Variants in NFIC observed in about 807,000 individuals in gnomAD.
NFIC encodes nuclear factor I C.
A neutral mutation model predicts 54.4 loss-of-function variants in NFIC; 12 were observed. The observed-to-expected ratio is 0.22, with a 90% CI of 0.14 to 0.36. The LOEUF is 0.36. Ranked by LOEUF, NFIC falls within the 10% of genes least tolerant of loss-of-function variation. The pLI, the probability that NFIC is intolerant of heterozygous loss-of-function variation, is 1.00. For missense variants in NFIC, 575 were observed against 718.2 expected (o/e 0.80, Z 2.28); for synonymous variants, 322 against 319.2 (o/e 1.01, Z -0.09).
In NFIC at chr19:3,464,129, G is replaced by C. The variant is rs1038018667; in HGVS notation, c.*1360G>C. On this transcript the variant is annotated 3_prime_UTR_variant, in exon 11 of 11. Transcript: ENST00000443272. ...ACATTCTGGAGCGACCCCCCTCCCT[G>C]GTGCCTCCCAGCGAAGGGGGACCGC... 28 of 985,130 alleles carry C rather than the reference G, an allele frequency of 2.8e-5. No individual in the cohort carries two copies. Among genetic ancestry groups the C allele is most frequent in the Non-Finnish European group, 3.3e-5 (27 of 829,878 alleles). The allele number at this position is 985,130 out of a possible 1,614,324, so 61.0% of individuals were successfully genotyped here. A position where few individuals can be genotyped will look rare whatever the true frequency, so the allele number is the denominator to read the frequency against.
rs1036394983 is a variant in NFIC, at chr19:3,369,666, A to G, written c.30+3000A>G. Among the ~76,000 whole-genome samples the G allele has an allele frequency of 2.0e-5, 3 of 150,996 alleles. No homozygotes were observed. The highest frequency in any genetic ancestry group is 3.0e-5 in the Non-Finnish European group (2 of 67,702). On this transcript the variant is annotated intron_variant, in intron 1 of 10. Transcript: ENST00000443272. This position sits in a 1 kb window ranked among gnomAD's most constrained non-coding sequence, Gnocchi z 4.3. ...GCGCTTTTTCACTTTTACTCTTAAG[A>G]GGAACTGTGTGGAGCCCATGGCTCC...
chr19:3,417,927 C>T (rs1002187005), intron 2 of NFIC, among the ~76,000 whole-genome samples: 7 of 7,274 alleles, frequency 9.6e-4, no homozygotes, highest in African/African-American at 4.4e-3. Flanking sequence ...CGTGATCCAC[C>T]GTGCCCGGCC....
chr19:3,366,565 G>GGGGGGGGCGGGGGGGTT, upstream of NFIC: 1 of 935,724 alleles, frequency 1.1e-6, no homozygotes, highest in Non-Finnish European at 1.6e-6. Flanking sequence ...GCGGGGGGGT[G>GGGGGGGGCGGGGGGGTT]GTTTGGAAAA....
At position 3,433,538 on chromosome 19, in the gene NFIC, AGCTTTGTCACCTCCG is replaced by A. The variant is rs1406179140; in HGVS notation, c.658_672del (p.Phe220_Gly224del). ...TCCAGACACGACCGACTTCCAGGAG[AGCTTTGTCACCTCCG>A]GCGTGTTCAGCGTCACTGAGCTCAT... On this transcript the variant is annotated inframe_deletion, in exon 4 of 11. Transcript: ENST00000443272. The A allele has an allele frequency of 3.1e-6, 5 of 1,613,698 alleles. No homozygotes were observed. In the African/African-American group the frequency reaches 6.7e-5, roughly 22 times the overall value.
At chr19:3,451,210 A>G (rs770333300) in intron 7 of NFIC, among the ~76,000 whole-genome samples, 100 of 152,324 alleles carry the variant, frequency 6.6e-4, no homozygotes, top group Non-Finnish European at 1.4e-3. Context: ...AAGGCCACAC[A>G]GCATGTGATC....
chr19:3,392,501 T>A (rs1433997206), intron 2 of NFIC, among the ~76,000 whole-genome samples: 5 of 152,264 alleles, frequency 3.3e-5, no homozygotes, highest in African/African-American at 1.2e-4. Context: ...TGCTGGTTTC[T>A]GCATGAATGC....
chr19:3,393,771 C>T lies in NFIC; in HGVS notation c.562+11528C>T, dbSNP rs146123120. Among the ~76,000 whole-genome samples, 592 of 134,094 alleles carry T rather than the reference C, an allele frequency of 4.4e-3. 4 individuals carry two copies. The highest frequency in any genetic ancestry group is 0.016 in the African/African-American group (557 of 35,462). 88.0% of individuals were successfully genotyped at this position (134,094 alleles called of 152,430 possible). ...GGCAGAGGCTACAGTGAGCTGGGAT[C>T]GTGCCACTGCACTCCAGCCTGGGCA... On this transcript the variant is annotated intron_variant, in intron 2 of 10. Coordinates refer to ENST00000443272, the MANE Select transcript of NFIC (RefSeq NM_001245002.2).
chr19:3,464,213 G>T lies in NFIC; in HGVS notation c.*1444G>T. ...GCCCAGCTGCGGGACGTGCATCACGGCTGGGCCCCCAGAGGAGAGAGGAGG... is the reference window on the plus strand; with the variant it reads ...GCCCAGCTGCGGGACGTGCATCACGTCTGGGCCCCCAGAGGAGAGAGGAGG... On this transcript the variant is annotated 3_prime_UTR_variant, in exon 11 of 11. Coordinates refer to ENST00000443272, the MANE Select transcript of NFIC (RefSeq NM_001245002.2). 5.1e-6 allele frequency: 5 copies of T among 984,842 alleles called. 1 individual carries two copies. In the South Asian group the frequency reaches 2.3e-4, roughly 46 times the overall value. The allele number at this position is 984,842 out of a possible 1,614,324, so 61.0% of individuals were successfully genotyped here. A position where few individuals can be genotyped will look rare whatever the true frequency, so the allele number is the denominator to read the frequency against.
intron 2 of NFIC, among the ~76,000 whole-genome samples, chr19:3,397,294 C>G (rs2081479986): frequency 6.6e-6 from 1 of 152,320 alleles, no homozygotes; most frequent in Non-Finnish European, 1.5e-5. Flanking sequence ...TCCCAGGACC[C>G]ACAGTGGGCA....
chr19:3,366,712 C>A lies in NFIC; in HGVS notation c.30+46C>A, dbSNP rs949567460. 3.8e-6 allele frequency: 5 copies of A among 1,301,406 alleles called. No individual in the cohort carries two copies. In the African/African-American group the frequency reaches 4.6e-5, roughly 12 times the overall value. 80.6% of individuals were successfully genotyped at this position (1,301,406 alleles called of 1,614,324 possible). On this transcript the variant is annotated intron_variant, in intron 1 of 10. Transcript: ENST00000443272. Reference sequence around the variant, plus strand: ...CCCGCCGGCGCCCCCGCGCCCCCCGCATCCCAGCCCCGGAGTTTTGAAGCA... The same window carrying A: ...CCCGCCGGCGCCCCCGCGCCCCCCGAATCCCAGCCCCGGAGTTTTGAAGCA...
intron 3 of NFIC, among the ~76,000 whole-genome samples, chr19:3,430,073 C>T (rs745996579): frequency 1.3e-5 from 2 of 152,082 alleles, no homozygotes; most frequent in Admixed American, 6.6e-5. Context: ...CTAGCTAGTT[C>T]CCCACCAGCC....
chr19:3,424,510 G>A (rs2081998577), intron 2 of NFIC, among the ~76,000 whole-genome samples: 1 of 152,068 alleles, frequency 6.6e-6, no homozygotes, highest in Non-Finnish European at 1.5e-5. Flanking sequence ...CCAAGTAGCT[G>A]GGATTACAGG....
At chr19:3,434,551 AC>A in intron 5 of NFIC, 151 bp downstream of exon 5, 2 of 1,233,936 alleles carry the variant, frequency 1.6e-6, no homozygotes, top group Non-Finnish European at 2.2e-6. Context: ...ATCCTTCAAA[AC>A]CCAGCCAGCC....
chr19:3,423,098 T>C (rs1338526993), intron 2 of NFIC, among the ~76,000 whole-genome samples: 2 of 152,010 alleles, frequency 1.3e-5, no homozygotes, highest in East Asian at 3.9e-4. Flanking sequence ...CTCTGGAGGC[T>C]GAAGCGGGAG....
rs1309498957 is a variant in NFIC, at chr19:3,452,158, C to T, written c.1085-324C>T. Among the ~76,000 whole-genome samples the T allele has an allele frequency of 6.6e-6, 1 of 151,202 alleles. No individual in the cohort carries two copies. Among genetic ancestry groups the T allele is most frequent in the African/African-American group, 2.4e-5 (1 of 41,038 alleles). On this transcript the variant is annotated intron_variant, in intron 7 of 10. Transcript: ENST00000443272. This position sits in a 1 kb window ranked among gnomAD's most constrained non-coding sequence, Gnocchi z 5.3. Reference sequence around the variant, plus strand: ...CAGTGGGTTACACCTGTAATCCCCGCACTTTGGGAGGCCTAGGAGGGAGGA... The same window carrying T: ...CAGTGGGTTACACCTGTAATCCCCGTACTTTGGGAGGCCTAGGAGGGAGGA...
chr19:3,442,922 G>A (rs1353600261), intron 6 of NFIC, among the ~76,000 whole-genome samples: 1 of 152,248 alleles, frequency 6.6e-6, no homozygotes, highest in East Asian at 1.9e-4. Flanking sequence ...TTCACAGAAG[G>A]TCCTCACCCA....
At chr19:3,412,626 G>A (rs2081782696) in intron 2 of NFIC, among the ~76,000 whole-genome samples, 1 of 152,156 alleles carries the variant, frequency 6.6e-6, no homozygotes, top group Non-Finnish European at 1.5e-5. Flanking sequence ...TCTGTGTGAT[G>A]CTGGGTAATT....
intron 6 of NFIC, 61 bp from the exon 7 acceptor site, chr19:3,448,952 GA>G: frequency 6.5e-7 from 1 of 1,532,218 alleles, no homozygotes; most frequent in Non-Finnish European, 8.8e-7. Flanking sequence ...TGGCTTTGGG[GA>G]AGGTCCAGGG....
chr19:3,363,229 GTGTA>G (rs2080833132), upstream of NFIC, among the ~76,000 whole-genome samples: 1 of 28,530 alleles, frequency 3.5e-5, no homozygotes, highest in African/African-American at 1.6e-4. Context: ...GTATATGTAT[GTGTA>G]TGTGTGTGTA....
Sources: gnomAD v4.1 joint callset for allele counts (sites outside exome capture counted in the v4.1 genomes callset) on GRCh38, gnomAD v4.1.1 for gene constraint, Gnocchi (gnomAD v3.1) non-coding constraint, MANE v1.5 for transcripts, NCBI Gene and HGNC (gene_info 2026-07-23, HGNC 2026-07-21) for gene names.